The following SNTN variants were observed in gnomAD, a reference collection of about 807,000 sequenced individuals.
SNTN encodes sentan, cilia apical structure protein.
A neutral mutation model predicts 12.3 loss-of-function variants in SNTN; 13 were observed. The observed-to-expected ratio is 1.05, with a 90% CI of 0.69 to 1.67. The LOEUF is 1.67. Ranked by LOEUF, SNTN falls within the 40% of genes most tolerant of loss-of-function variation. The pLI is 0.00. For synonymous variants in SNTN, 69 were observed against 58.5 expected, an observed-to-expected ratio of 1.18 and a Z score of -0.82; for missense variants, 189 against 169.8, an observed-to-expected ratio of 1.11 and a Z score of -0.63.
At chr3:63,663,882 CT>C in intron 3 of SNTN, 54 bp from the exon 4 acceptor site, 1 of 1,561,418 alleles carries the variant, frequency 6.4e-7, no homozygotes, top group South Asian at 1.2e-5. Flanking sequence ...TGTTTATGAT[CT>C]GTAAACCTAA....
At chr3:63,659,000 A>T (rs1021808810) in intron 2 of SNTN, among the ~76,000 whole-genome samples, 4 of 152,190 alleles carry the variant, frequency 2.6e-5, no homozygotes, top group African/African-American at 7.2e-5. Context: ...TGAGGAAAGG[A>T]CAGGTAAACA....
At chr3:63,654,324 A>C (rs1495909) in intron 1 of SNTN, among the ~76,000 whole-genome samples, 5,420 of 152,282 alleles carry the variant, frequency 0.036, 306 homozygotes, top group African/African-American at 0.12. Context: ...GTGACAGTCC[A>C]GAGTGGGAGT....
chr3:63,659,977 T>G (rs972716942), intron 3 of SNTN, 113 bp downstream of exon 3: 3 of 1,268,774 alleles, frequency 2.4e-6, no homozygotes, highest in Admixed American at 1.9e-5. Flanking sequence ...AACAAATGTT[T>G]ATTGAACACC....
chr3:63,654,396 G>A (rs1460463389), intron 1 of SNTN, among the ~76,000 whole-genome samples: 3 of 152,142 alleles, frequency 2.0e-5, no homozygotes, highest in Non-Finnish European at 4.4e-5. Context: ...TCAGCATGTG[G>A]CTTCTAAAGT....
At chr3:63,659,980 T>C (rs1378452967) in intron 3 of SNTN, 116 bp downstream of exon 3, 2 of 1,240,996 alleles carry the variant, frequency 1.6e-6, no homozygotes, top group Non-Finnish European at 2.3e-6. Flanking sequence ...AAATGTTTAT[T>C]GAACACCTAC....
intron 3 of SNTN, among the ~76,000 whole-genome samples, chr3:63,661,489 T>C (rs1040604245): frequency 6.6e-6 from 1 of 152,190 alleles, no homozygotes; most frequent in East Asian, 1.9e-4. Context: ...AGTGGGTGAT[T>C]ATTTCAAAAG....
At chr3:63,656,073 G>A (rs1358108558) in intron 2 of SNTN, among the ~76,000 whole-genome samples, 1 of 152,158 alleles carries the variant, frequency 6.6e-6, no homozygotes, top group African/African-American at 2.4e-5. Context: ...TCTCCTGTAG[G>A]TCTTCACATC....
chr3:63,658,745 G>T (rs936377705), intron 2 of SNTN, among the ~76,000 whole-genome samples: 33 of 152,072 alleles, frequency 2.2e-4, no homozygotes, highest in Admixed American at 1.6e-3. Flanking sequence ...GAAGTAACAG[G>T]CACTTAGTAA....
At chr3:63,656,173 A>G (rs1700677962) in intron 2 of SNTN, among the ~76,000 whole-genome samples, 1 of 152,208 alleles carries the variant, frequency 6.6e-6, no homozygotes, top group South Asian at 2.1e-4. Context: ...CCATGACACC[A>G]TTCAATGTGA....
chr3:63,661,188 G>A (rs916396781), intron 3 of SNTN, among the ~76,000 whole-genome samples: 2 of 151,828 alleles, frequency 1.3e-5, no homozygotes, highest in East Asian at 1.9e-4. Context: ...ACATTCTATC[G>A]GCAGTATATA....
At chr3:63,654,888 C>A in intron 2 of SNTN, 92 bp downstream of exon 2, 5 of 1,147,048 alleles carry the variant, frequency 4.4e-6, no homozygotes, top group South Asian at 1.4e-5. Context: ...TCAAAGAATG[C>A]CAGAGATGTA....
rs1171089820 is a variant in SNTN at position 63,665,141 on chromosome 3, A to T, written c.*1046A>T. On this transcript the variant is annotated 3_prime_UTR_variant, in exon 4 of 4. Coordinates refer to ENST00000343837, the MANE Select transcript of SNTN (RefSeq NM_001080537.2). ...TTGCATGCATTTGTCAAACTCATAG[A>T]ACTGCACACTGAAAAGAGTGAATTG... 6.6e-6 allele frequency among the ~76,000 whole-genome samples: 1 copy of T among 152,158 alleles called. No homozygotes were observed. Among genetic ancestry groups the T allele is most frequent in the Non-Finnish European group, 1.5e-5 (1 of 68,028 alleles).
intron 3 of SNTN, among the ~76,000 whole-genome samples, chr3:63,660,523 C>T (rs894801426): frequency 5.9e-5 from 9 of 152,010 alleles, no homozygotes; most frequent in East Asian, 1.9e-4. Flanking sequence ...GCTTAGACTA[C>T]GGCGGTGAAG....
chr3:63,656,843 A>G (rs961466117), intron 2 of SNTN, among the ~76,000 whole-genome samples: 1 of 152,208 alleles, frequency 6.6e-6, no homozygotes, highest in Non-Finnish European at 1.5e-5. Context: ...CAACACCTAG[A>G]GGCAGCGTGC....
In SNTN at chr3:63,652,814, T is replaced by A; in HGVS notation, c.110+17T>A. On this transcript the variant is annotated intron_variant, in intron 1 of 3. Transcript: ENST00000343837. ...GCCCAAAAGGTCAGTGGCACTTGGC[T>A]GTCTTTTATTGAGTTTCATTTAAGC... 1 of 1,600,754 alleles carries A rather than the reference T, an allele frequency of 6.2e-7. No homozygotes were observed. The highest frequency in any genetic ancestry group is 8.6e-7 in the Non-Finnish European group (1 of 1,168,208).
Position 63,654,812 on chromosome 3 carries a change from C to G in SNTN, c.145+16C>G. The G allele has an allele frequency of 6.2e-7, 1 of 1,610,578 alleles. No homozygotes were observed. Among genetic ancestry groups the G allele is most frequent in the Non-Finnish European group, 8.5e-7 (1 of 1,178,204 alleles). ...TCAGTGAAAGGTAAGGCACAGATGACGCAGATGTACATTTTTCTCCTCTAC... is the reference window on the plus strand; with the variant it reads ...TCAGTGAAAGGTAAGGCACAGATGAGGCAGATGTACATTTTTCTCCTCTAC... On this transcript the variant is annotated intron_variant, in intron 2 of 3. Coordinates refer to ENST00000343837, the MANE Select transcript of SNTN (RefSeq NM_001080537.2).
At chr3:63,661,139 G>T (rs1700739870) in intron 3 of SNTN, among the ~76,000 whole-genome samples, 1 of 152,092 alleles carries the variant, frequency 6.6e-6, no homozygotes, top group African/African-American at 2.4e-5. Flanking sequence ...TTCTTATTTA[G>T]TGTTTAATAT....
intron 3 of SNTN, among the ~76,000 whole-genome samples, chr3:63,663,221 C>A (rs1575751946): frequency 6.6e-6 from 1 of 152,240 alleles, no homozygotes; most frequent in Non-Finnish European, 1.5e-5. Context: ...GGGCTACAAA[C>A]CCTGGCTCCA....
At chr3:63,655,654 C>T (rs1218405344) in intron 2 of SNTN, among the ~76,000 whole-genome samples, 4 of 152,096 alleles carry the variant, frequency 2.6e-5, no homozygotes, top group African/African-American at 9.7e-5. Context: ...CCCCTGCCCA[C>T]GTACACAACA....
Sources: allele counts gnomAD v4.1 joint callset (sites outside exome capture counted in the v4.1 genomes callset), GRCh38; gene constraint gnomAD v4.1.1; transcripts MANE v1.5; gene names NCBI Gene and HGNC (gene_info 2026-07-23, HGNC 2026-07-21).